KAT14: variants seen among roughly 807,000 people sequenced by gnomAD.
KAT14 encodes lysine acetyltransferase 14, also known as cysteine-rich protein 2-binding protein.
A neutral mutation model predicts 78.4 loss-of-function variants in KAT14; 66 were observed. The observed-to-expected ratio is 0.84, with a 90% CI of 0.69 to 1.03. KAT14 has a LOEUF of 1.03. KAT14 is among the 50% of genes least tolerant of loss of function. The pLI, the probability that KAT14 is intolerant of heterozygous loss-of-function variation, is 0.00. For missense variants in KAT14, 870 were observed against 972.5 expected (o/e 0.89, Z 1.40); for synonymous variants, 344 against 359.4 (o/e 0.96, Z 0.48).
chr20:18,142,981 C>A, intron 2 of KAT14, 62 bp downstream of exon 2: 1 of 1,582,406 alleles, frequency 6.3e-7, no homozygotes, highest in South Asian at 1.1e-5. Context: ...TTTTTCCAAC[C>A]TGTGAAAGAA....
At chr20:18,152,571 C>T (rs1248595299) in intron 4 of KAT14, among the ~76,000 whole-genome samples, 1 of 152,042 alleles carries the variant, frequency 6.6e-6, no homozygotes, top group Non-Finnish European at 1.5e-5. Context: ...AGCGAGACTC[C>T]ATCTCAAACA....
At chr20:18,173,254 C>T (rs373109235) in intron 7 of KAT14, among the ~76,000 whole-genome samples, 8 of 152,212 alleles carry the variant, frequency 5.3e-5, no homozygotes, top group African/African-American at 1.9e-4. Flanking sequence ...TATCCTTAGA[C>T]TTGTCCGCAT....
Position 18,142,634 on chromosome 20 carries a change from C to G in KAT14, c.-27C>G, listed in dbSNP as rs376200836. ...AGTGCTTAGGGTTGTTACTGAGAAG[C>G]ACTGCCGAGCTTGTGAGAAGGAAGG... On this transcript the variant is annotated 5_prime_UTR_variant, in exon 2 of 11. Transcript: ENST00000688188. 1.2e-6 allele frequency: 2 copies of G among 1,613,090 alleles called. No individual in the cohort carries two copies. The highest frequency in any genetic ancestry group is 1.7e-6 in the Non-Finnish European group (2 of 1,179,232).
At chr20:18,163,005 C>T in intron 7 of KAT14, 60 bp downstream of exon 7, 1 of 1,561,974 alleles carries the variant, frequency 6.4e-7, no homozygotes, top group Non-Finnish European at 8.7e-7. Context: ...GGGCAGGCAG[C>T]ACTAGGCATT....
At chr20:18,170,037 T>C (rs1221537284) in intron 7 of KAT14, among the ~76,000 whole-genome samples, 1 of 152,204 alleles carries the variant, frequency 6.6e-6, no homozygotes, top group Non-Finnish European at 1.5e-5. Context: ...GGGAGGAAGC[T>C]ACAGAAGAAA....
chr20:18,162,121 T>C lies in KAT14; in HGVS notation c.981T>C (p.Pro327=). Residue 327 remains proline, a synonymous_variant, in exon 6 of 11, where the codon CCT becomes CCC. Transcript: ENST00000688188. The part of the protein sequence containing the change: ...SDRTPLTSPS[P]SPSLDFSAPG... Reference sequence around the variant, plus strand: ...GCACCCCGCTGACAAGCCCATCTCCTTCTCCTTCTCTGGATTTCTCTGCCC... The same window carrying C: ...GCACCCCGCTGACAAGCCCATCTCCCTCTCCTTCTCTGGATTTCTCTGCCC... 2.5e-6 allele frequency: 4 copies of C among 1,614,258 alleles called. No individual in the cohort carries two copies. The highest frequency in any genetic ancestry group is 1.1e-5 in the South Asian group (1 of 91,092).
At chr20:18,152,596 CA>C (rs1320909048) in intron 4 of KAT14, among the ~76,000 whole-genome samples, 2 of 151,850 alleles carry the variant, frequency 1.3e-5, no homozygotes. Context: ...AACAACCAAC[CA>C]AAAAAAGAAC....
intron 7 of KAT14, among the ~76,000 whole-genome samples, chr20:18,170,867 T>C (rs374165479): frequency 2.2e-4 from 33 of 152,316 alleles, no homozygotes; most frequent in African/African-American, 7.5e-4. Context: ...CAATTACTGC[T>C]CATTGACAAT....
At chr20:18,183,790 A>T (rs2039351862) in intron 9 of KAT14, among the ~76,000 whole-genome samples, 1 of 152,234 alleles carries the variant, frequency 6.6e-6, no homozygotes, top group African/African-American at 2.4e-5. Context: ...TATCAGCCTT[A>T]ACAAAATTGC....
At chr20:18,177,013 A>G (rs911108919) in intron 7 of KAT14, among the ~76,000 whole-genome samples, 1 of 152,220 alleles carries the variant, frequency 6.6e-6, no homozygotes. Flanking sequence ...ACCTTGAGGC[A>G]TTAACCAGAT....
chr20:18,145,487 C>G, intron 3 of KAT14, 136 bp downstream of exon 3: 1 of 1,316,948 alleles, frequency 7.6e-7, no homozygotes. Flanking sequence ...AAATTAGATA[C>G]CGAATATGTG....
chr20:18,159,155 C>T lies in KAT14; in HGVS notation c.572C>T (p.Ser191Leu). ...GTGGGAAGTCCCATGTACTTCCGTT[C>T]AGGTGCTCAGGAATTTGGAGAGCCA... ...LSVGSPMYFRSGAQEFGEPGW... is the reference protein window; with the variant it reads ...LSVGSPMYFRLGAQEFGEPGW... The change falls in exon 5 of 11, where the codon TCA (serine) becomes TTA (leucine). Residue 191 changes from serine (S) to leucine (L), a missense_variant. Transcript: ENST00000688188. The T allele has an allele frequency of 1.2e-6, 2 of 1,614,088 alleles. No individual in the cohort carries two copies. The highest frequency in any genetic ancestry group is 1.7e-6 in the Non-Finnish European group (2 of 1,179,980).
intron 4 of KAT14, among the ~76,000 whole-genome samples, chr20:18,152,762 A>AT (rs1422717123): frequency 6.6e-6 from 1 of 152,026 alleles, no homozygotes; most frequent in Admixed American, 6.5e-5. Context: ...ATTTTTAACT[A>AT]TTTTTCATAG....
In KAT14 at chr20:18,184,802, C is replaced by T. The variant is rs545109104; in HGVS notation, c.2172+10C>T. 1 of 1,596,374 alleles carries T rather than the reference C, an allele frequency of 6.3e-7. No homozygotes were observed. The highest frequency in any genetic ancestry group is 8.5e-7 in the Non-Finnish European group (1 of 1,172,954). On this transcript the variant is annotated intron_variant, in intron 10 of 10. Transcript: ENST00000688188. The stretch of plus-strand genomic sequence containing the variant: ...CTATCATCTGATTCAGGTAAGTTGT[C>T]TATGTTTATGATTTATCACCTGTGT...
At chr20:18,182,754 G>A (rs973051065) in intron 8 of KAT14, among the ~76,000 whole-genome samples, 1 of 152,154 alleles carries the variant, frequency 6.6e-6, no homozygotes, top group Non-Finnish European at 1.5e-5. Context: ...AGCTCATTGT[G>A]TCTCTGGTGT....
chr20:18,154,388 C>T (rs572086241), intron 4 of KAT14, among the ~76,000 whole-genome samples: 1 of 152,332 alleles, frequency 6.6e-6, no homozygotes, highest in Non-Finnish European at 1.5e-5. Flanking sequence ...TCTCGGCTCA[C>T]TGCAACCTCC....
At position 18,166,302 on chromosome 20, in the gene KAT14, G is replaced by A. The variant is rs562581172; in HGVS notation, c.1668+3357G>A. Among the ~76,000 whole-genome samples, 4 of 152,276 alleles carry A rather than the reference G, an allele frequency of 2.6e-5. No homozygotes were observed. In the East Asian group the frequency reaches 5.8e-4, roughly 22 times the overall value. On this transcript the variant is annotated intron_variant, in intron 7 of 10. Transcript: ENST00000688188. ...ACCTCACAATCTTAAACTGATACCCGATTTGCTAATAGCCTAAAACTTTCC... is the reference window on the plus strand; with the variant it reads ...ACCTCACAATCTTAAACTGATACCCAATTTGCTAATAGCCTAAAACTTTCC...
chr20:18,137,808 G>A, upstream of KAT14: 1 of 818,106 alleles, frequency 1.2e-6, no homozygotes, highest in Non-Finnish European at 1.7e-6. Flanking sequence ...GATTGCTCAC[G>A]CCTGGCAGCG....
intron 1 of KAT14, among the ~76,000 whole-genome samples, chr20:18,139,649 TG>T (rs1379126318): frequency 9.9e-6 from 1 of 101,216 alleles, no homozygotes; most frequent in African/African-American, 4.8e-5. Flanking sequence ...TGTGTGTGTG[TG>T]TGTGTGTGTG....
Sources: gnomAD v4.1 joint callset for allele counts (sites outside exome capture counted in the v4.1 genomes callset) on GRCh38, gnomAD v4.1.1 for gene constraint, MANE v1.5 for transcripts, NCBI Gene and HGNC (gene_info 2026-07-23, HGNC 2026-07-21) for gene names.